The following GRID1 variants were observed in gnomAD, a reference collection of about 807,000 sequenced individuals.
The protein encoded by GRID1 is glutamate receptor ionotropic, delta-1.
A neutral mutation model predicts 98.0 loss-of-function variants in GRID1; 28 were observed. The ratio of observed to expected loss-of-function variants is 0.29; its 90% CI spans 0.21 to 0.39. GRID1 has a LOEUF of 0.39. GRID1 is among the 10% of genes least tolerant of loss of function. GRID1 has a pLI of 1.00. For synonymous variants in GRID1, 553 were observed against 538.5 expected (o/e 1.03, Z -0.37); for missense variants, 1,111 against 1,340.5 (o/e 0.83, Z 2.67).
At chr10:85,945,853 G>C (rs538684496) in intron 4 of GRID1, among the ~76,000 whole-genome samples, 26 of 152,248 alleles carry the variant, frequency 1.7e-4, no homozygotes, top group Middle Eastern at 3.4e-3. Flanking sequence ...TTATTTATGA[G>C]TGACACATAT....
intron 2 of GRID1, among the ~76,000 whole-genome samples, chr10:86,249,959 T>TG (rs533146370): frequency 1.3e-5 from 2 of 150,656 alleles, no homozygotes; most frequent in East Asian, 1.9e-4. Flanking sequence ...AGTAGGTGAA[T>TG]GGGGGGTGGG....
chr10:85,832,619 G>T (rs1423367216), intron 8 of GRID1, among the ~76,000 whole-genome samples: 1 of 152,060 alleles, frequency 6.6e-6, no homozygotes, highest in East Asian at 1.9e-4. Context: ...AATGCAAAAG[G>T]CAATGAAAGG....
intron 8 of GRID1, among the ~76,000 whole-genome samples, chr10:85,792,229 C>G (rs372214391): frequency 6.6e-6 from 1 of 152,148 alleles, no homozygotes; most frequent in African/African-American, 2.4e-5. Context: ...CCCTGATGCT[C>G]GAAGCTCCTG....
intron 3 of GRID1, among the ~76,000 whole-genome samples, chr10:86,153,886 G>T (rs772888156): frequency 4.6e-5 from 7 of 152,158 alleles, no homozygotes; most frequent in Non-Finnish European, 8.8e-5. Flanking sequence ...GATGTAGGGT[G>T]GGGGCGGGGA....
At chr10:85,790,574 G>A (rs961088011) in intron 8 of GRID1, among the ~76,000 whole-genome samples, 2 of 152,194 alleles carry the variant, frequency 1.3e-5, no homozygotes, top group African/African-American at 2.4e-5. Context: ...GGCCATGTCA[G>A]TATGGGGCAC....
At chr10:85,741,050 C>T (rs980294945) in intron 8 of GRID1, among the ~76,000 whole-genome samples, 7 of 152,250 alleles carry the variant, frequency 4.6e-5, no homozygotes, top group Non-Finnish European at 8.8e-5. Flanking sequence ...CTGCGCCCAG[C>T]CCACATAACT....
intron 2 of GRID1, among the ~76,000 whole-genome samples, chr10:86,310,743 T>A (rs1419480952): frequency 6.6e-6 from 1 of 152,188 alleles, no homozygotes; most frequent in Non-Finnish European, 1.5e-5. Context: ...AGACTCCACA[T>A]CTGCTGGAGC....
chr10:85,873,658 G>A lies in GRID1; in HGVS notation c.781-4478C>T, dbSNP rs73342516. ...TTCATCATGCTCTGATTAGTGTAGC[G>A]TAACCCAAATAACATACAGTTTAGT... On this transcript the variant is annotated intron_variant, in intron 5 of 15. Coordinates refer to ENST00000327946, the MANE Select transcript of GRID1 (RefSeq NM_017551.3). Among the ~76,000 whole-genome samples, 831 of 152,220 alleles carry A rather than the reference G, an allele frequency of 5.5e-3. 5 individuals are homozygous for A. The highest frequency in any genetic ancestry group is 0.019 in the African/African-American group (778 of 41,536).
intron 2 of GRID1, among the ~76,000 whole-genome samples, chr10:86,344,260 A>G (rs779122278): frequency 2.6e-5 from 4 of 152,226 alleles, no homozygotes; most frequent in Admixed American, 2.0e-4. Context: ...CAGACTCTCA[A>G]AACAATTCTT....
intron 2 of GRID1, among the ~76,000 whole-genome samples, chr10:86,271,679 T>C (rs1245262025): frequency 6.6e-6 from 1 of 152,110 alleles, no homozygotes; most frequent in East Asian, 1.9e-4. Flanking sequence ...AGGAAAAAAT[T>C]AGCAAATTTA....
chr10:85,893,372 T>C (rs1299396980), intron 5 of GRID1, among the ~76,000 whole-genome samples: 1 of 151,794 alleles, frequency 6.6e-6, no homozygotes, highest in African/African-American at 2.4e-5. Flanking sequence ...GTGCTGGAGG[T>C]TCTAGTCAGG....
chr10:85,791,843 C>T (rs77526926), intron 8 of GRID1, among the ~76,000 whole-genome samples: 5,018 of 152,072 alleles, frequency 0.033, 123 homozygotes, highest in Non-Finnish European at 0.047. Context: ...AGATGAAAAG[C>T]AAATAGTTCA....
chr10:86,171,359 G>T (rs1185865733), intron 3 of GRID1, among the ~76,000 whole-genome samples: 1 of 152,174 alleles, frequency 6.6e-6, no homozygotes, highest in Non-Finnish European at 1.5e-5. Flanking sequence ...CAAGTGCAAG[G>T]CCAACCCCAC....
chr10:85,666,293 C>T (rs1395092291), intron 12 of GRID1, among the ~76,000 whole-genome samples: 1 of 152,204 alleles, frequency 6.6e-6, no homozygotes, highest in African/African-American at 2.4e-5. Flanking sequence ...CTACACTGAT[C>T]TGCTGAAACA....
Position 85,599,802 on chromosome 10 carries a change from A to AAAAAAAAAAAAAAAATAT in GRID1, c.*2470_*2471insATATTTTTTTTTTTTTTT. On this transcript the variant is annotated 3_prime_UTR_variant, in exon 16 of 16. Transcript: ENST00000327946. ...GTAGAAAATTCTAAAAAAAAAAAAA[A>AAAAAAAAAAAAAAAATAT]ATATATATATATATATATAAACATG... The AAAAAAAAAAAAAAAATAT allele has an allele frequency of 1.1e-3, 69 of 64,942 alleles. No individual in the cohort carries two copies. The highest frequency in any genetic ancestry group is 1.5e-3 in the Non-Finnish European group (58 of 38,760). The allele number at this position is 64,942 out of a possible 1,614,324, so 4.0% of individuals were successfully genotyped here. A position where few individuals can be genotyped will look rare whatever the true frequency, so the allele number is the denominator to read the frequency against.
chr10:85,859,602 C>T (rs1843146347), intron 6 of GRID1, among the ~76,000 whole-genome samples: 1 of 152,200 alleles, frequency 6.6e-6, no homozygotes, highest in Admixed American at 6.5e-5. Context: ...TTGTTCTTGT[C>T]TAAAACCTCC....
chr10:86,249,605 A>AC (rs1290864744), intron 2 of GRID1, among the ~76,000 whole-genome samples: 5 of 147,202 alleles, frequency 3.4e-5, no homozygotes, highest in Non-Finnish European at 6.0e-5. Flanking sequence ...CTCCATTTCT[A>AC]CCCCCCCACA....
At chr10:86,089,896 G>A (rs773355496) in intron 4 of GRID1, among the ~76,000 whole-genome samples, 2 of 152,018 alleles carry the variant, frequency 1.3e-5, no homozygotes, top group East Asian at 1.9e-4. Flanking sequence ...GCAGGCACAC[G>A]CCACCACACC....
chr10:86,322,733 AAAATAAAT>A (rs201373975), intron 2 of GRID1, among the ~76,000 whole-genome samples: 38 of 150,346 alleles, frequency 2.5e-4, no homozygotes, highest in East Asian at 3.9e-4. Context: ...TTTTTAAATA[AAAATAAAT>A]AAATAAATAA....
Sources: gnomAD v4.1 joint callset for allele counts (sites outside exome capture counted in the v4.1 genomes callset) on GRCh38, gnomAD v4.1.1 for gene constraint, MANE v1.5 for transcripts, NCBI Gene and HGNC (gene_info 2026-07-23, HGNC 2026-07-21) for gene names.